Variants in CDH18 observed in about 807,000 individuals in gnomAD.
CDH18 encodes the protein cadherin-18.
In CDH18, 31 loss-of-function variants were observed where a neutral mutation model predicts 67.9. That is an observed-to-expected ratio of 0.46 (90% confidence interval 0.34 to 0.62). CDH18 has a LOEUF of 0.62. Ranked by LOEUF, CDH18 falls within the 20% of genes least tolerant of loss-of-function variation. The pLI, the probability that CDH18 is intolerant of heterozygous loss-of-function variation, is 0.01. For synonymous variants in CDH18, 362 were observed against 347.2 expected, an observed-to-expected ratio of 1.04 and a Z score of -0.48; for missense variants, 890 against 975.5, an observed-to-expected ratio of 0.91 and a Z score of 1.17.
chr5:19,614,159 A>C (rs1749453057), intron 5 of CDH18, among the ~76,000 whole-genome samples: 1 of 151,990 alleles, frequency 6.6e-6, no homozygotes, highest in Non-Finnish European at 1.5e-5. Context: ...AGGAGTATTC[A>C]ATGACTTGTT....
At chr5:19,798,183 T>A (rs967913204) in intron 3 of CDH18, among the ~76,000 whole-genome samples, 1 of 152,038 alleles carries the variant, frequency 6.6e-6, no homozygotes, top group Non-Finnish European at 1.5e-5. Context: ...TACCCACATA[T>A]ACACATAAAA....
intron 4 of CDH18, among the ~76,000 whole-genome samples, chr5:19,723,958 G>A (rs1327940835): frequency 3.3e-5 from 5 of 151,956 alleles, no homozygotes; most frequent in Admixed American, 2.0e-4. Context: ...TGATTTGCCC[G>A]CCTCAGCCTC....
intron 2 of CDH18, among the ~76,000 whole-genome samples, chr5:20,197,504 C>G (rs1739075249): frequency 6.6e-6 from 1 of 152,062 alleles, no homozygotes; most frequent in African/African-American, 2.4e-5. Flanking sequence ...TTCAAAATAC[C>G]CTTGACATGA....
chr5:19,862,384 T>C (rs1784999540), intron 2 of CDH18, among the ~76,000 whole-genome samples: 1 of 152,196 alleles, frequency 6.6e-6, no homozygotes, highest in African/African-American at 2.4e-5. Flanking sequence ...GTATCAACTG[T>C]TCCTGTTCAT....
intron 1 of CDH18, among the ~76,000 whole-genome samples, chr5:20,353,540 A>T (rs1037624792): frequency 6.6e-6 from 1 of 152,124 alleles, no homozygotes. Context: ...TACCATCGTC[A>T]TTCACCCTAA....
chr5:20,485,154 C>T (rs980740906), intron 1 of CDH18, among the ~76,000 whole-genome samples: 4 of 152,122 alleles, frequency 2.6e-5, no homozygotes, highest in African/African-American at 2.4e-5. Context: ...CAGTATCTGG[C>T]TTGTCTCATT....
At chr5:19,974,575 G>A (rs1404887993) in intron 2 of CDH18, among the ~76,000 whole-genome samples, 2 of 150,644 alleles carry the variant, frequency 1.3e-5, no homozygotes, top group Non-Finnish European at 3.0e-5. Flanking sequence ...CTTATGGGAA[G>A]GACCATTAGA....
Position 19,514,877 on chromosome 5 carries a change from T to C in CDH18, c.1512+5780A>G, listed in dbSNP as rs529666799. Among the ~76,000 whole-genome samples the C allele has an allele frequency of 2.0e-5, 3 of 152,320 alleles. No homozygotes were observed. In the East Asian group the frequency reaches 5.8e-4, roughly 29 times the overall value. On this transcript the variant is annotated intron_variant, in intron 10 of 12. Coordinates refer to ENST00000382275, the MANE Select transcript of CDH18 (RefSeq NM_004934.5). The stretch of plus-strand genomic sequence containing the variant: ...TAGATCTCATTTGTCTATTTTGGCT[T>C]TTGTTGCCATTGCTTTTGGTGTTTT...
chr5:19,549,762 G>T (rs1580151007), intron 8 of CDH18, among the ~76,000 whole-genome samples: 1 of 82,364 alleles, frequency 1.2e-5, no homozygotes, highest in African/African-American at 5.6e-5. Context: ...AAGAAAGAAA[G>T]AAAAAGAAAG....
intron 7 of CDH18, among the ~76,000 whole-genome samples, chr5:19,577,447 CT>C (rs1197516290): frequency 1.3e-5 from 2 of 152,084 alleles, no homozygotes; most frequent in Non-Finnish European, 2.9e-5. Context: ...CATTTTCCCC[CT>C]GTTGGAATGT....
intron 1 of CDH18, among the ~76,000 whole-genome samples, chr5:20,257,631 T>C (rs11952350): frequency 0.41 from 61,828 of 151,976 alleles, 12,624 homozygotes; most frequent in South Asian, 0.47. Context: ...AGCATATTGA[T>C]AAAAATTCTG....
intron 2 of CDH18, among the ~76,000 whole-genome samples, chr5:19,894,157 GA>G (rs1172258749): frequency 2.0e-5 from 3 of 151,834 alleles, no homozygotes; most frequent in Non-Finnish European, 2.9e-5. Context: ...AGAATCTCTA[GA>G]AAAAATCCAC....
intron 1 of CDH18, among the ~76,000 whole-genome samples, chr5:20,538,578 T>A (rs1441604067): frequency 1.3e-5 from 2 of 152,122 alleles, no homozygotes; most frequent in African/African-American, 4.8e-5. Flanking sequence ...TGCAGAATAA[T>A]GACAAAATAG....
chr5:20,060,294 G>T (rs771647749), intron 2 of CDH18, among the ~76,000 whole-genome samples: 9 of 151,760 alleles, frequency 5.9e-5, no homozygotes, highest in African/African-American at 2.2e-4. Flanking sequence ...ATGAAACCCC[G>T]TCTCTACTAA....
chr5:20,480,530 G>T (rs543212382), intron 1 of CDH18, among the ~76,000 whole-genome samples: 50 of 152,160 alleles, frequency 3.3e-4, no homozygotes, highest in Non-Finnish European at 5.4e-4. Context: ...CAATTCTCAT[G>T]CTTTTGCCTC....
intron 5 of CDH18, among the ~76,000 whole-genome samples, chr5:19,627,689 G>A (rs1174685669): frequency 1.3e-5 from 2 of 152,018 alleles, no homozygotes; most frequent in African/African-American, 4.8e-5. Flanking sequence ...ACATATTTCT[G>A]GTTGTTAAAT....
chr5:20,558,686 A>C (rs879599189), intron 1 of CDH18, among the ~76,000 whole-genome samples: 2 of 152,176 alleles, frequency 1.3e-5, no homozygotes, highest in Admixed American at 6.6e-5. Context: ...ACAGATGAGA[A>C]TGCTAGCACA....
chr5:20,423,515 A>C (rs1456746748), intron 1 of CDH18, among the ~76,000 whole-genome samples: 1 of 151,254 alleles, frequency 6.6e-6, no homozygotes. Flanking sequence ...CGCAAAATGC[A>C]ATACAGAAGA....
At chr5:20,014,495 G>T (rs777218528) in intron 2 of CDH18, among the ~76,000 whole-genome samples, 1 of 152,064 alleles carries the variant, frequency 6.6e-6, no homozygotes, top group Non-Finnish European at 1.5e-5. Flanking sequence ...TAAGAAGACA[G>T]AATGGTCCAA....
Sources: allele counts gnomAD v4.1 joint callset (sites outside exome capture counted in the v4.1 genomes callset), GRCh38; gene constraint gnomAD v4.1.1; transcripts MANE v1.5; gene names NCBI Gene and HGNC (gene_info 2026-07-23, HGNC 2026-07-21).